The following ST7 variants were observed in gnomAD, a reference collection of about 807,000 sequenced individuals.
The protein encoded by ST7 is suppressor of tumorigenicity 7 protein.
Under a neutral mutation model 78.7 loss-of-function variants are expected in ST7, and 28 were observed. The ratio of observed to expected loss-of-function variants is 0.36; its 90% CI spans 0.26 to 0.49. The LOEUF is 0.49. Among genes scored for constraint, ST7 ranks in the 20% least tolerant of loss-of-function variants. The probability of loss-of-function intolerance (pLI) is 0.99; values close to 1 mark genes in which losing one functional copy is unlikely to be tolerated. For missense variants in ST7, 418 were observed against 696.0 expected (o/e 0.60, Z 4.49); for synonymous variants, 247 against 249.6 (o/e 0.99, Z 0.10).
At chr7:117,091,591 A>G (rs1420073392) in intron 1 of ST7, among the ~76,000 whole-genome samples, 2 of 152,194 alleles carry the variant, frequency 1.3e-5, no homozygotes, top group East Asian at 3.8e-4. Flanking sequence ...TCGGGAAAGA[A>G]ACGCTCGGGG....
chr7:117,129,739 C>A, intron 3 of ST7, 54 bp from the exon 4 acceptor site: 1 of 1,355,342 alleles, frequency 7.4e-7, no homozygotes, highest in Non-Finnish European at 1.1e-6. Flanking sequence ...AATTAATTAG[C>A]TTGTAGTGTC....
chr7:117,097,895 TATATATATATATA>T (rs1426091434), intron 1 of ST7, among the ~76,000 whole-genome samples: 5 of 24,382 alleles, frequency 2.1e-4, no homozygotes, highest in East Asian at 1.1e-3. Context: ...TATATATATA[TATATATATATATA>T]TTTTTTTTTT....
chr7:117,001,631 A>G (rs1046318726), intron 1 of ST7, among the ~76,000 whole-genome samples: 2 of 152,348 alleles, frequency 1.3e-5, no homozygotes, highest in South Asian at 4.1e-4. Context: ...AAGAAGGTAT[A>G]TCTTATGTAA....
At chr7:117,150,089 T>G (rs1806132120) in intron 9 of ST7, among the ~76,000 whole-genome samples, 2 of 152,172 alleles carry the variant, frequency 1.3e-5, no homozygotes, top group East Asian at 3.9e-4. Context: ...ATTCTGTTGT[T>G]AGCACCAGGC....
intron 12 of ST7, among the ~76,000 whole-genome samples, chr7:117,201,146 G>C (rs982917894): frequency 2.6e-5 from 4 of 152,072 alleles, no homozygotes; most frequent in Admixed American, 6.5e-5. Context: ...CTGGCAGACT[G>C]TCTATGATAT....
chr7:117,031,883 T>TA (rs199818364), intron 1 of ST7, among the ~76,000 whole-genome samples: 7,743 of 67,224 alleles, frequency 0.12, 1,050 homozygotes, highest in African/African-American at 0.18. Flanking sequence ...TATATATATA[T>TA]TTTTTTTTTT....
At chr7:117,004,832 C>T (rs1270457655) in intron 1 of ST7, among the ~76,000 whole-genome samples, 2 of 152,120 alleles carry the variant, frequency 1.3e-5, no homozygotes, top group Non-Finnish European at 2.9e-5. Flanking sequence ...GATAACTTAT[C>T]TTCCATGGAA....
chr7:116,998,861 T>C (rs1794798298), intron 1 of ST7, among the ~76,000 whole-genome samples: 1 of 152,128 alleles, frequency 6.6e-6, no homozygotes, highest in Non-Finnish European at 1.5e-5. Context: ...AAGGCCTCTG[T>C]AAGGGAGGTG....
At chr7:117,082,729 A>T (rs1799878761) in intron 1 of ST7, among the ~76,000 whole-genome samples, 1 of 152,276 alleles carries the variant, frequency 6.6e-6, no homozygotes, top group Admixed American at 6.5e-5. Flanking sequence ...AGAGCCAGAC[A>T]GTAAATATTT....
chr7:116,967,737 A>G (rs1793200059), intron 1 of ST7, among the ~76,000 whole-genome samples: 1 of 152,228 alleles, frequency 6.6e-6, no homozygotes, highest in Non-Finnish European at 1.5e-5. Context: ...CAGTGCCAGC[A>G]CTTGCTAGTG....
intron 13 of ST7, among the ~76,000 whole-genome samples, chr7:117,215,590 C>G (rs1792627283): frequency 6.6e-6 from 1 of 152,206 alleles, no homozygotes; most frequent in Non-Finnish European, 1.5e-5. Context: ...GAGACAGGGA[C>G]ACAGATTAAC....
chr7:117,229,974 A>T lies in ST7; in HGVS notation c.*117A>T, dbSNP rs1202381932. 1.1e-6 allele frequency: 1 copy of T among 938,520 alleles called. No individual in the cohort carries two copies. Among genetic ancestry groups the T allele is most frequent in the Non-Finnish European group, 1.8e-6 (1 of 564,816 alleles). The allele number at this position is 938,520 out of a possible 1,614,324, so 58.1% of individuals were successfully genotyped here. On this transcript the variant is annotated 3_prime_UTR_variant, in exon 16 of 16. Transcript: ENST00000323984. ...AAAAGGGAAGCCATTCCGAGATTTT[A>T]AAATGTTCATGGACTATTCCATATT...
chr7:117,148,801 G>C (rs561036559), intron 9 of ST7, among the ~76,000 whole-genome samples: 1 of 152,280 alleles, frequency 6.6e-6, no homozygotes, highest in East Asian at 1.9e-4. Context: ...TTTGTGAACA[G>C]CTTTTCCTTC....
intron 14 of ST7, among the ~76,000 whole-genome samples, chr7:117,220,765 G>A (rs1793028344): frequency 6.6e-6 from 1 of 152,148 alleles, no homozygotes; most frequent in African/African-American, 2.4e-5. Flanking sequence ...TATAATTATA[G>A]CCACACGAGG....
At chr7:117,199,012 T>C (rs528008683) in intron 12 of ST7, 1 of 152,304 alleles carries the variant, frequency 6.6e-6, no homozygotes, top group African/African-American at 2.4e-5. Flanking sequence ...GTTTTCGCTC[T>C]TTCCAAAGCT....
intron 1 of ST7, among the ~76,000 whole-genome samples, chr7:117,063,240 A>G (rs1798446782): frequency 6.6e-6 from 1 of 152,236 alleles, no homozygotes; most frequent in South Asian, 2.1e-4. Flanking sequence ...GACTTTTTAA[A>G]TAATATGACT....
chr7:117,021,637 T>C (rs1487526299), intron 1 of ST7, among the ~76,000 whole-genome samples: 1 of 152,232 alleles, frequency 6.6e-6, no homozygotes, highest in Non-Finnish European at 1.5e-5. Context: ...TATTACAGAA[T>C]AGTAGCATTT....
chr7:117,200,355 A>C (rs758231175), intron 12 of ST7, among the ~76,000 whole-genome samples: 2 of 151,960 alleles, frequency 1.3e-5, no homozygotes, highest in South Asian at 4.2e-4. Context: ...TTGAGGTCCC[A>C]CCCATAGAGG....
At chr7:117,105,624 A>G (rs1378331188) in intron 2 of ST7, among the ~76,000 whole-genome samples, 1 of 152,200 alleles carries the variant, frequency 6.6e-6, no homozygotes, top group Non-Finnish European at 1.5e-5. Flanking sequence ...AAATAGAATA[A>G]ATAAGATCTA....
Sources: allele counts gnomAD v4.1 joint callset (sites outside exome capture counted in the v4.1 genomes callset), GRCh38; gene constraint gnomAD v4.1.1; transcripts MANE v1.5; gene names NCBI Gene and HGNC (gene_info 2026-07-23, HGNC 2026-07-21).